NOL4: variants seen among roughly 807,000 people sequenced by gnomAD.
The protein encoded by NOL4 is nucleolar protein 4, also known as cancer/testis antigen 125.
Under a neutral mutation model 75.9 loss-of-function variants are expected in NOL4, and 17 were observed. The observed-to-expected ratio is 0.22, with a 90% CI of 0.15 to 0.34. NOL4 has a LOEUF of 0.34. NOL4 is among the 10% of genes least tolerant of loss of function. The pLI is 1.00. For missense variants in NOL4, 614 were observed against 793.5 expected (o/e 0.77, Z 2.72); for synonymous variants, 292 against 289.9 (o/e 1.01, Z -0.07).
intron 1 of NOL4, among the ~76,000 whole-genome samples, chr18:34,177,035 G>C (rs558157061): frequency 1.3e-5 from 2 of 151,498 alleles, no homozygotes; most frequent in South Asian, 4.2e-4. Context: ...CCCCAAACTG[G>C]AAACAATCCA....
At chr18:33,983,802 C>G (rs1036044256) in intron 6 of NOL4, among the ~76,000 whole-genome samples, 4 of 151,886 alleles carry the variant, frequency 2.6e-5, no homozygotes, top group African/African-American at 9.7e-5. Context: ...AAACCAAAAG[C>G]TTAGTTGCCC....
intron 1 of NOL4, among the ~76,000 whole-genome samples, chr18:34,218,398 A>T (rs555549886): frequency 6.6e-6 from 1 of 152,348 alleles, no homozygotes; most frequent in South Asian, 2.1e-4. Context: ...ACGGAAAAAT[A>T]AAAAACTGGT....
chr18:33,903,716 T>A (rs2065871575), intron 9 of NOL4, among the ~76,000 whole-genome samples: 1 of 152,204 alleles, frequency 6.6e-6, no homozygotes, highest in African/African-American at 2.4e-5. Context: ...ACCTGTGAGC[T>A]TCCTTTTTCA....
chr18:34,021,957 C>T lies in NOL4; in HGVS notation c.773-2356G>A, dbSNP rs535989703. ...CGTCTCTACTTAAAATACAAAAATT[C>T]GCCGGGCATGGTGGCATGTGCCTGT... On this transcript the variant is annotated intron_variant, in intron 5 of 10. Coordinates refer to ENST00000261592, the MANE Select transcript of NOL4 (RefSeq NM_003787.5). Among the ~76,000 whole-genome samples the T allele has an allele frequency of 2.8e-4, 43 of 151,502 alleles. No individual in the cohort carries two copies. The South Asian group carries it at 7.3e-3, about 26-fold the overall frequency.
chr18:33,856,359 T>C (rs569160476), intron 10 of NOL4, among the ~76,000 whole-genome samples: 1 of 152,248 alleles, frequency 6.6e-6, no homozygotes, highest in Admixed American at 6.6e-5. Context: ...GGAAATATTA[T>C]TATTGCCATA....
At position 33,852,887 on chromosome 18, in the gene NOL4, C is replaced by T. The variant is rs754130056; in HGVS notation, c.1872G>A (p.Leu624=). 8.7e-6 allele frequency: 14 copies of T among 1,612,792 alleles called. No individual in the cohort carries two copies. The South Asian group carries it at 1.3e-4, about 15-fold the overall frequency. ...GATTTTCCAGTTCATCTGCAGATCGCAATAAAAATGCAGCTGATTCTCGAT... is the reference window on the plus strand; with the variant it reads ...GATTTTCCAGTTCATCTGCAGATCGTAATAAAAATGCAGCTGATTCTCGAT... ...AGYRESAAFL[L]RSADELENLI... is the part of the protein sequence containing the mutation. The change falls in exon 11 of 11, where the codon TTG becomes TTA. Residue 624 remains leucine, a synonymous_variant. Coordinates refer to ENST00000261592, the MANE Select transcript of NOL4 (RefSeq NM_003787.5).
chr18:34,021,199 AAAAC>A (rs1266762895), intron 5 of NOL4, among the ~76,000 whole-genome samples: 2 of 152,222 alleles, frequency 1.3e-5, no homozygotes, highest in African/African-American at 4.8e-5. Flanking sequence ...GAGAGACAGA[AAAAC>A]AAACATGCTA....
At chr18:34,029,033 C>A (rs2075496863) in intron 5 of NOL4, among the ~76,000 whole-genome samples, 1 of 151,932 alleles carries the variant, frequency 6.6e-6, no homozygotes, top group South Asian at 2.1e-4. Context: ...TCTCTTGAGC[C>A]AAATTCATCA....
Position 33,957,456 on chromosome 18 carries a change from G to A in NOL4, c.1298C>T (p.Pro433Leu). Residue 433 changes from proline to leucine, a missense_variant, in exon 8 of 11, where the codon CCC (proline) becomes CTC (leucine). Physicochemically the swap from Pro to Leu is moderately conservative, Grantham distance 98. Transcript: ENST00000261592. Reference protein sequence around the residue: ...LDRMVPISKQPKEKIQAIIDS... With the variant: ...LDRMVPISKQLKEKIQAIIDS... ...AATGATAGCCTGGATCTTTTCTTTG[G>A]GCTGCTTAGAGATTGGGACCATTCG... 6.2e-7 allele frequency: 1 copy of A among 1,613,548 alleles called. No individual in the cohort carries two copies.
rs780830373 is a variant in NOL4, at chr18:34,105,194, A to G, written c.415-34T>C. The G allele has an allele frequency of 7.7e-6, 10 of 1,305,384 alleles. No homozygotes were observed. In the South Asian group the frequency reaches 8.3e-5, roughly 11 times the overall value. The allele number at this position is 1,305,384 out of a possible 1,614,324, so 80.9% of individuals were successfully genotyped here. A position where few individuals can be genotyped will look rare whatever the true frequency, so the allele number is the denominator to read the frequency against. ...ATTCACAAAATACAGGTGTTATTAT[A>G]TAAGCTCACTGAGCATGATTTAACA... On this transcript the variant is annotated intron_variant, in intron 2 of 10. Coordinates refer to ENST00000261592, the MANE Select transcript of NOL4 (RefSeq NM_003787.5).
At chr18:34,221,509 T>C (rs1259023354) in intron 1 of NOL4, 1 of 151,256 alleles carries the variant, frequency 6.6e-6, no homozygotes, top group Non-Finnish European at 1.5e-5. Flanking sequence ...AGCCAGACAA[T>C]AATCTCACCA....
At chr18:34,141,282 C>T (rs2081145659) in intron 1 of NOL4, among the ~76,000 whole-genome samples, 1 of 152,056 alleles carries the variant, frequency 6.6e-6, no homozygotes, top group Non-Finnish European at 1.5e-5. Flanking sequence ...AGATTCAATG[C>T]CATCCCCATC....
intron 1 of NOL4, among the ~76,000 whole-genome samples, chr18:34,197,652 G>C (rs1285032269): frequency 6.6e-6 from 1 of 151,952 alleles, no homozygotes; most frequent in Non-Finnish European, 1.5e-5. Context: ...GCTGTAAAAA[G>C]TGTCACTTGA....
At chr18:33,871,298 A>G (rs1307990744) in intron 10 of NOL4, among the ~76,000 whole-genome samples, 1 of 152,010 alleles carries the variant, frequency 6.6e-6, no homozygotes, top group African/African-American at 2.4e-5. Flanking sequence ...TGGTGGAGGT[A>G]GGCAAATGCA....
chr18:33,942,600 C>T (rs2145568524), intron 9 of NOL4, among the ~76,000 whole-genome samples: 1 of 151,928 alleles, frequency 6.6e-6, no homozygotes, highest in Non-Finnish European at 1.5e-5. Context: ...CATTTTGTGA[C>T]TTTCTAGTCT....
At chr18:34,153,368 C>T (rs1430203750) in intron 1 of NOL4, among the ~76,000 whole-genome samples, 2 of 151,836 alleles carry the variant, frequency 1.3e-5, no homozygotes, top group South Asian at 2.1e-4. Context: ...TGCTCAGTTC[C>T]ATATCAATTA....
intron 1 of NOL4, among the ~76,000 whole-genome samples, chr18:34,158,432 C>G (rs2030841997): frequency 1.3e-5 from 2 of 152,112 alleles, no homozygotes. Flanking sequence ...AGTTCAAAAA[C>G]AGAGCCATGT....
chr18:34,162,386 TA>T (rs1949763700), intron 1 of NOL4, among the ~76,000 whole-genome samples: 1 of 151,872 alleles, frequency 6.6e-6, no homozygotes, highest in Non-Finnish European at 1.5e-5. Context: ...ATAGACGCAA[TA>T]AAAAATGATA....
intron 10 of NOL4, among the ~76,000 whole-genome samples, chr18:33,875,345 G>A (rs537907222): frequency 6.6e-6 from 1 of 151,974 alleles, no homozygotes; most frequent in Non-Finnish European, 1.5e-5. Flanking sequence ...TATACAGATT[G>A]TAACTGCTGT....
Sources: allele counts gnomAD v4.1 joint callset (sites outside exome capture counted in the v4.1 genomes callset), GRCh38; gene constraint gnomAD v4.1.1; transcripts MANE v1.5; gene names NCBI Gene and HGNC (gene_info 2026-07-23, HGNC 2026-07-21).